Variants in DPYD observed in about 807,000 individuals in gnomAD.
DPYD encodes dihydropyrimidine dehydrogenase.
A neutral mutation model predicts 116.2 loss-of-function variants in DPYD; 109 were observed. The ratio of observed to expected loss-of-function variants is 0.94; its 90% CI spans 0.80 to 1.10. The LOEUF is 1.10. DPYD is among the 50% of genes least tolerant of loss of function. DPYD has a pLI of 0.00. For missense variants in DPYD, 1,302 were observed against 1,254.5 expected (o/e 1.04, Z -0.57); for synonymous variants, 440 against 432.0 (o/e 1.02, Z -0.23).
intron 11 of DPYD, among the ~76,000 whole-genome samples, chr1:97,571,955 C>T (rs546275773): frequency 6.1e-4 from 92 of 152,032 alleles, no homozygotes; most frequent in Admixed American, 1.2e-3. Flanking sequence ...CTATCTCACA[C>T]TGCAGCTCTG....
intron 10 of DPYD, among the ~76,000 whole-genome samples, chr1:97,584,944 TATAATAATA>T (rs375682343): frequency 6.2e-5 from 9 of 146,052 alleles, no homozygotes; most frequent in African/African-American, 1.7e-4. Flanking sequence ...AAACTTAAAG[TATAATAATA>T]ATAATAATAA....
chr1:97,880,660 T>C (rs1672165173), intron 2 of DPYD, among the ~76,000 whole-genome samples: 1 of 152,064 alleles, frequency 6.6e-6, no homozygotes, highest in South Asian at 2.1e-4. Context: ...ATTTTTCTAC[T>C]AATACTCATT....
At chr1:97,912,555 A>G (rs183337951) in intron 1 of DPYD, among the ~76,000 whole-genome samples, 74 of 152,226 alleles carry the variant, frequency 4.9e-4, no homozygotes, top group Non-Finnish European at 6.8e-4. Context: ...TACGTGGATG[A>G]CTTGAGTGGG....
rs570472364 is a variant in DPYD at position 97,292,329 on chromosome 1, C to T, written c.2299+12930G>A. Among the ~76,000 whole-genome samples, 9 of 152,172 alleles carry T rather than the reference C, an allele frequency of 5.9e-5. No individual in the cohort carries two copies. In the East Asian group the frequency reaches 1.7e-3, roughly 29 times the overall value. ...TCACAGTTCTGCAGGGCTGGGGAGA[C>T]CTCAGGAAACTTACAATCATGTCAG... is the stretch of plus-strand genomic sequence containing the variant. On this transcript the variant is annotated intron_variant, in intron 18 of 22. Coordinates refer to ENST00000370192, the MANE Select transcript of DPYD (RefSeq NM_000110.4).
intron 1 of DPYD, among the ~76,000 whole-genome samples, chr1:97,920,275 T>A (rs1313031708): frequency 6.6e-6 from 1 of 152,166 alleles, no homozygotes; most frequent in South Asian, 2.1e-4. Context: ...CAAAAACCGT[T>A]GAGAGGAGAG....
At chr1:97,714,872 T>C (rs1330067194) in intron 5 of DPYD, among the ~76,000 whole-genome samples, 2 of 152,084 alleles carry the variant, frequency 1.3e-5, no homozygotes, top group Admixed American at 1.3e-4. Context: ...CTAGTAACAT[T>C]ACCTGGGGCA....
At chr1:97,092,553 C>A (rs2101581652) in intron 21 of DPYD, among the ~76,000 whole-genome samples, 1 of 152,230 alleles carries the variant, frequency 6.6e-6, no homozygotes, top group East Asian at 1.9e-4. Context: ...GAACTCCCTA[C>A]TTCTTCATAG....
At chr1:97,140,718 T>G (rs1028364254) in intron 20 of DPYD, among the ~76,000 whole-genome samples, 1 of 152,102 alleles carries the variant, frequency 6.6e-6, no homozygotes, top group Non-Finnish European at 1.5e-5. Flanking sequence ...TAGTGCAGGT[T>G]AAAGCAGAGA....
At chr1:97,454,464 TA>T (rs1676580649) in intron 13 of DPYD, among the ~76,000 whole-genome samples, 1 of 151,890 alleles carries the variant, frequency 6.6e-6, no homozygotes, top group African/African-American at 2.4e-5. Context: ...CAAGAATAGT[TA>T]GAGTAGAGAA....
At chr1:97,565,161 C>G (rs1652428521) in intron 11 of DPYD, among the ~76,000 whole-genome samples, 1 of 152,090 alleles carries the variant, frequency 6.6e-6, no homozygotes, top group South Asian at 2.1e-4. Flanking sequence ...GGATCATACC[C>G]TGTGACTGAA....
chr1:97,546,586 C>T (rs1650884052), intron 12 of DPYD: 4 of 1,608,218 alleles, frequency 2.5e-6, no homozygotes, highest in African/African-American at 1.3e-5. Context: ...AAAAATAACA[C>T]ATCCTGTGTA....
At chr1:97,263,874 A>T (rs775614804) in intron 18 of DPYD, among the ~76,000 whole-genome samples, 11 of 152,062 alleles carry the variant, frequency 7.2e-5, no homozygotes, top group Non-Finnish European at 1.6e-4. Flanking sequence ...CACCACAACA[A>T]AAACATGTTA....
intron 21 of DPYD, among the ~76,000 whole-genome samples, chr1:97,084,411 G>A (rs1192237073): frequency 2.0e-5 from 3 of 151,568 alleles, no homozygotes; most frequent in Non-Finnish European, 2.9e-5. Flanking sequence ...CTAACCAAAT[G>A]TGAGGACGTG....
At chr1:97,590,058 T>C (rs1482332953) in intron 10 of DPYD, among the ~76,000 whole-genome samples, 3 of 152,174 alleles carry the variant, frequency 2.0e-5, no homozygotes, top group Non-Finnish European at 4.4e-5. Context: ...ATTGGACCTG[T>C]ACTCTCCTGA....
At chr1:97,322,214 C>T (rs983760525) in intron 16 of DPYD, among the ~76,000 whole-genome samples, 1 of 146,988 alleles carries the variant, frequency 6.8e-6, no homozygotes. Context: ...TGCACATGTA[C>T]CCTAAAACTT....
intron 20 of DPYD, among the ~76,000 whole-genome samples, chr1:97,182,521 A>G (rs1343291976): frequency 6.6e-6 from 1 of 152,124 alleles, no homozygotes; most frequent in Non-Finnish European, 1.5e-5. Flanking sequence ...ATTTTATATC[A>G]ATCATTACCC....
chr1:97,487,721 G>T (rs1052589801), intron 13 of DPYD, among the ~76,000 whole-genome samples: 8 of 151,984 alleles, frequency 5.3e-5, no homozygotes, highest in Admixed American at 5.3e-4. Flanking sequence ...ATCATAACAT[G>T]CATAAGAGAA....
At chr1:97,688,189 A>G (rs1660836281) in intron 7 of DPYD, among the ~76,000 whole-genome samples, 1 of 152,212 alleles carries the variant, frequency 6.6e-6, no homozygotes, top group South Asian at 2.1e-4. Flanking sequence ...TAGCAGGGGA[A>G]AGCATTAATA....
chr1:97,401,143 C>A (rs1673353596), intron 14 of DPYD, among the ~76,000 whole-genome samples: 1 of 152,062 alleles, frequency 6.6e-6, no homozygotes, highest in Non-Finnish European at 1.5e-5. Flanking sequence ...GTCTTTAGCT[C>A]ATTTTTTAAA....
Sources: allele counts gnomAD v4.1 joint callset (sites outside exome capture counted in the v4.1 genomes callset), GRCh38; gene constraint gnomAD v4.1.1; transcripts MANE v1.5; gene names NCBI Gene and HGNC (gene_info 2026-07-23, HGNC 2026-07-21).